Variants in UNC45A observed in about 807,000 individuals in gnomAD.
UNC45A encodes the protein protein unc-45 homolog A.
Under a neutral mutation model 103.2 loss-of-function variants are expected in UNC45A, and 78 were observed. That is an observed-to-expected ratio of 0.76 (90% confidence interval 0.63 to 0.91). The LOEUF (loss-of-function observed/expected upper bound fraction) is 0.91. UNC45A is among the 40% of genes least tolerant of loss of function. The pLI, the probability that UNC45A is intolerant of heterozygous loss-of-function variation, is 0.00. For synonymous variants in UNC45A, 495 were observed against 504.6 expected (o/e 0.98, Z 0.25); for missense variants, 1,193 against 1,224.8 (o/e 0.97, Z 0.39).
At chr15:90,932,269 C>T, upstream of UNC45A, 1 of 863,302 alleles carries the variant, frequency 1.2e-6, no homozygotes, top group Non-Finnish European at 1.7e-6. Context: ...ACAAAGGGAA[C>T]GATCATGCCT....
chr15:90,931,029 A>G, upstream of UNC45A: 1 of 483,500 alleles, frequency 2.1e-6, no homozygotes, highest in Non-Finnish European at 3.8e-6. Context: ...AATAGCAAAC[A>G]GACCCAAGAC....
chr15:90,953,644 A>G lies in UNC45A; in HGVS notation c.2763A>G (p.Thr921=), dbSNP rs557168924. The G allele has an allele frequency of 1.2e-6, 2 of 1,614,134 alleles. No homozygotes were observed. The highest frequency in any genetic ancestry group is 2.2e-5 in the South Asian group (2 of 91,084). Residue 921 remains threonine, a synonymous_variant, in exon 20 of 20, where the codon ACA becomes ACG. Coordinates refer to ENST00000418476, the MANE Select transcript of UNC45A (RefSeq NM_018671.5). The stretch of plus-strand genomic sequence containing the variant: ...CTAAGGGTGACCACAGCCCTGTCAC[A>G]AGGGCTGCTGCAGCCTGCCTGGACA... ...VLAKGDHSPV[T]RAAAACLDKA... is the part of the protein sequence containing the mutation.
Position 90,944,834 on chromosome 15 carries a change from C to G in UNC45A, c.1028-58C>G. ...TCCACATCTCCTAGGAAGCCTGTTTCTTTTACTTGTAGGGGTTGGAACTAG... is the reference window on the plus strand; with the variant it reads ...TCCACATCTCCTAGGAAGCCTGTTTGTTTTACTTGTAGGGGTTGGAACTAG... On this transcript the variant is annotated intron_variant, in intron 8 of 19. Transcript: ENST00000418476. 6.4e-6 allele frequency: 10 copies of G among 1,556,696 alleles called. No homozygotes were observed. In the South Asian group the frequency reaches 1.1e-4, roughly 17 times the overall value.
chr15:90,951,682 G>A (rs955293049), intron 17 of UNC45A, among the ~76,000 whole-genome samples: 4 of 152,160 alleles, frequency 2.6e-5, no homozygotes, highest in Admixed American at 2.0e-4. Context: ...TGATCTGTGC[G>A]GTAAACCACA....
In UNC45A at chr15:90,939,824, G is replaced by T. The variant is rs1446852723; in HGVS notation, c.519+1G>T. 6.2e-7 allele frequency: 1 copy of T among 1,613,896 alleles called. No homozygotes were observed. Among genetic ancestry groups the T allele is most frequent in the Non-Finnish European group, 8.5e-7 (1 of 1,179,992 alleles). ...GAAGGGCACTGAGAAAAAGCAAAAG[G>T]TATAGGCCCTGGGCTGAGTCAGTGA... On this transcript the variant is annotated splice_donor_variant, in intron 5 of 19. Coordinates refer to ENST00000418476, the MANE Select transcript of UNC45A (RefSeq NM_018671.5). LOFTEE classifies it high-confidence loss of function.
In UNC45A at chr15:90,953,247, T is replaced by C. The variant is rs1375668241; in HGVS notation, c.2514T>C (p.Ala838=). 6.2e-7 allele frequency: 1 copy of C among 1,613,666 alleles called. No individual in the cohort carries two copies. Reference sequence around the variant, plus strand: ...ATGATGAGCTGCTACAGCGGGCAGCTGCCGGGGGCTTGGCCATGCTTACCT... The same window carrying C: ...ATGATGAGCTGCTACAGCGGGCAGCCGCCGGGGGCTTGGCCATGCTTACCT... The part of the protein sequence containing the change: ...GEDDELLQRA[A]AGGLAMLTSM... The change falls in exon 19 of 20, where the codon GCT becomes GCC. Residue 838 remains alanine (A), a synonymous_variant. Coordinates refer to ENST00000418476, the MANE Select transcript of UNC45A (RefSeq NM_018671.5).
chr15:90,950,405 C>T (rs2036834802), intron 16 of UNC45A, 95 bp from the exon 17 acceptor site: 1 of 1,470,954 alleles, frequency 6.8e-7, no homozygotes, highest in Non-Finnish European at 9.3e-7. Flanking sequence ...CCTGAGACAG[C>T]AGTACTCTCT....
intron 10 of UNC45A, chr15:90,947,217 G>T: frequency 5.4e-6 from 2 of 371,536 alleles, no homozygotes; most frequent in Admixed American, 3.9e-5. Context: ...GAGATTCTGG[G>T]CTTTCTTGTG....
intron 6 of UNC45A, among the ~76,000 whole-genome samples, chr15:90,941,958 CAAAAAAAAA>C (rs369044240): frequency 1.5e-5 from 1 of 68,788 alleles, no homozygotes. Flanking sequence ...GACTCCGTCT[CAAAAAAAAA>C]AAAAAAAAAG....
chr15:90,936,536 C>T, intron 4 of UNC45A, 76 bp downstream of exon 4: 2 of 1,505,066 alleles, frequency 1.3e-6, no homozygotes, highest in Non-Finnish European at 1.8e-6. Flanking sequence ...AGACACAGTT[C>T]TCCAGACGAG....
chr15:90,934,927 CTTT>C, upstream of UNC45A: 1 of 440,502 alleles, frequency 2.3e-6, no homozygotes, highest in Non-Finnish European at 4.0e-6. Context: ...GATCCAGATA[CTTT>C]TTCTCTCCCG....
upstream of UNC45A, chr15:90,935,049 C>A: frequency 1.7e-6 from 1 of 573,714 alleles, no homozygotes; most frequent in South Asian, 2.0e-5. Context: ...GGAGTCTGGG[C>A]TGGAGCCACC....
chr15:90,933,913 A>C (rs2035891038), upstream of UNC45A: 1 of 395,980 alleles, frequency 2.5e-6, no homozygotes, highest in Non-Finnish European at 4.4e-6. Flanking sequence ...GAGAAGCTTC[A>C]GGCTCGTATT....
rs1421430539 is a variant in UNC45A at position 90,942,623 on chromosome 15, T to C, written c.856+18T>C. 1.9e-6 allele frequency: 3 copies of C among 1,614,128 alleles called. No homozygotes were observed. The highest frequency in any genetic ancestry group is 1.7e-5 in the Admixed American group (1 of 60,020). ...CATTGTGGGTGAGTGGAAGCAGGTC[T>C]GGGGTCTTTTGGACGTTACTGTCAT... is the stretch of plus-strand genomic sequence containing the variant. On this transcript the variant is annotated intron_variant, in intron 7 of 19. Transcript: ENST00000418476.
chr15:90,952,587 AT>A lies in UNC45A; in HGVS notation c.2304-333del, dbSNP rs1001938321. 292 of 239,012 alleles carry A rather than the reference AT, an allele frequency of 1.2e-3. 2 individuals are homozygous for A. Among genetic ancestry groups the A allele is most frequent in the South Asian group, 4.0e-3 (66 of 16,428 alleles). The allele number at this position is 239,012 out of a possible 1,614,324, so 14.8% of individuals were successfully genotyped here. On this transcript the variant is annotated intron_variant, in intron 17 of 19. Transcript: ENST00000418476. Reference sequence around the variant, plus strand: ...AGGCGCGCACCAGCATACCCAGCTAATTTTTTTTTGTCTTTTTAGTAGAGAC... The same window carrying A: ...AGGCGCGCACCAGCATACCCAGCTAATTTTTTTTGTCTTTTTAGTAGAGAC...
intron 6 of UNC45A, chr15:90,940,957 A>G (rs1596218978): frequency 6.6e-6 from 1 of 152,420 alleles, no homozygotes; most frequent in Non-Finnish European, 1.5e-5. Context: ...GGCAGAGTAC[A>G]AGGAGATACA....
upstream of UNC45A, chr15:90,934,135 C>G (rs896072360): frequency 7.5e-6 from 3 of 399,072 alleles, no homozygotes; most frequent in African/African-American, 6.2e-5. Flanking sequence ...CAGCCAACCT[C>G]TCTCTCAGGT....
intron 6 of UNC45A, 71 bp downstream of exon 6, chr15:90,940,544 C>T (rs1013324033): frequency 1.6e-5 from 24 of 1,534,880 alleles, no homozygotes; most frequent in South Asian, 2.5e-5. Flanking sequence ...CCTCCATCCA[C>T]CCATCTGTCC....
At chr15:90,950,447 G>A in intron 16 of UNC45A, 53 bp from the exon 17 acceptor site, 1 of 1,585,574 alleles carries the variant, frequency 6.3e-7, no homozygotes, top group Non-Finnish European at 8.6e-7. Flanking sequence ...AGGGTTGGTG[G>A]GGCTTGTGGG....
Sources: gnomAD v4.1 joint callset for allele counts (sites outside exome capture counted in the v4.1 genomes callset) on GRCh38, gnomAD v4.1.1 for gene constraint, MANE v1.5 for transcripts, NCBI Gene and HGNC (gene_info 2026-07-23, HGNC 2026-07-21) for gene names.